Variants in SGO2 observed in about 807,000 individuals in gnomAD.
The protein encoded by SGO2 is shugoshin 2, also known as shugoshin-like 2.
Under a neutral mutation model 99.5 loss-of-function variants are expected in SGO2, and 68 were observed. The observed-to-expected ratio is 0.68, with a 90% confidence interval of 0.56 to 0.84. The LOEUF is 0.84. Ranked by LOEUF, SGO2 falls within the 40% of genes least tolerant of loss-of-function variation. The pLI, the probability that SGO2 is intolerant of heterozygous loss-of-function variation, is 0.00. For missense variants in SGO2, 1,350 were observed against 1,436.7 expected, an observed-to-expected ratio of 0.94 and a Z score of 0.97; for synonymous variants, 457 against 487.1, an observed-to-expected ratio of 0.94 and a Z score of 0.81.
At position 200,570,478 on chromosome 2, in the gene SGO2, A is replaced by ATGTGTGTGTG. The variant is rs71022323; in HGVS notation, c.704-549_704-540dup. Among the ~76,000 whole-genome samples the ATGTGTGTGTG allele has an allele frequency of 0.017, 2,419 of 142,796 alleles. 34 individuals carry two copies. Among genetic ancestry groups the ATGTGTGTGTG allele is most frequent in the South Asian group, 0.046 (203 of 4,394 alleles). 93.7% of individuals were successfully genotyped at this position (142,796 alleles called of 152,430 possible). On this transcript the variant is annotated intron_variant, in intron 6 of 8. Coordinates refer to ENST00000357799, the MANE Select transcript of SGO2 (RefSeq NM_152524.6). This position sits in a 1 kb window ranked among gnomAD's most constrained non-coding sequence, Gnocchi z 4.4. ...TTAGAATTGTTTTTCCTTTCTGAAA[A>ATGTGTGTGTG]TGTGTGTGTGTGTGTGTGTGTGTGT...
At position 200,572,858 on chromosome 2, in the gene SGO2, A is replaced by G; in HGVS notation, c.2512A>G (p.Lys838Glu). The change falls in exon 7 of 9, where the codon AAA becomes GAA. Residue 838 changes from lysine to glutamate, a missense_variant. Lys to Glu is a moderately conservative substitution (Grantham distance 56). Coordinates refer to ENST00000357799, the MANE Select transcript of SGO2 (RefSeq NM_152524.6). Reference protein sequence around the residue: ...NDNKGVHDLEKDNFFSLTPKD... With the variant: ...NDNKGVHDLEEDNFFSLTPKD... ...TAACAAAGGTGTACATGACCTAGAA[A>G]AAGATAACTTCTTCTCTCTAACCCC... 1 of 1,596,810 alleles carries G rather than the reference A, an allele frequency of 6.3e-7. No individual in the cohort carries two copies. The highest frequency in any genetic ancestry group is 8.5e-7 in the Non-Finnish European group (1 of 1,175,138).
intron 5 of SGO2, among the ~76,000 whole-genome samples, chr2:200,567,016 C>A (rs186175036): frequency 6.6e-6 from 1 of 152,338 alleles, no homozygotes; most frequent in East Asian, 1.9e-4. Context: ...CCTTGCACTT[C>A]CCAGGTGAGG....
intron 5 of SGO2, among the ~76,000 whole-genome samples, chr2:200,557,784 A>AT (rs1399422580): frequency 6.6e-6 from 1 of 150,452 alleles, no homozygotes; most frequent in Non-Finnish European, 1.5e-5. Flanking sequence ...CTCCTAATAT[A>AT]TAGCTTTTCT....
chr2:200,583,302 T>A, intron 8 of SGO2, 147 bp from the exon 9 acceptor site: 1 of 505,132 alleles, frequency 2.0e-6, no homozygotes, highest in Non-Finnish European at 3.4e-6. Context: ...TTAAGAAAAA[T>A]TAGAGTATTT....
rs543580035 is a variant in SGO2 at position 200,556,265 on chromosome 2, C to T, written c.474-13398C>T. 1.1e-4 allele frequency among the ~76,000 whole-genome samples: 17 copies of T among 152,282 alleles called. No homozygotes were observed. The South Asian group carries it at 2.9e-3, about 26-fold the overall frequency. The stretch of plus-strand genomic sequence containing the variant: ...ACAGGCATGAGCCACCGTGCTAAGT[C>T]GAATATCCGCTTTTAATTATCTACT... On this transcript the variant is annotated intron_variant, in intron 5 of 8. Transcript: ENST00000357799.
intron 5 of SGO2, among the ~76,000 whole-genome samples, chr2:200,549,649 A>AAAGG (rs1216971375): frequency 1.3e-5 from 2 of 152,180 alleles, no homozygotes; most frequent in African/African-American, 2.4e-5. Flanking sequence ...ACAAGAACAA[A>AAAGG]AACTGTATGA....
chr2:200,532,952 ATT>A lies in SGO2; in HGVS notation c.-2-14_-2-13del, dbSNP rs559390207. On this transcript the variant is annotated intron_variant, in intron 1 of 8. Transcript: ENST00000357799. ...TTTTCTTTTATTAATCAATACTATGATTTTTTTTTCTTTCACTTCAGTGATGG... is the reference window on the plus strand; with the variant it reads ...TTTTCTTTTATTAATCAATACTATGATTTTTTTCTTTCACTTCAGTGATGG... 4.5e-6 allele frequency: 7 copies of A among 1,550,540 alleles called. No homozygotes were observed. Among genetic ancestry groups the A allele is most frequent in the Non-Finnish European group, 6.1e-6 (7 of 1,138,352 alleles).
At chr2:200,533,976 C>T (rs954989419) in intron 2 of SGO2, among the ~76,000 whole-genome samples, 3 of 152,082 alleles carry the variant, frequency 2.0e-5, no homozygotes, top group Non-Finnish European at 4.4e-5. Flanking sequence ...TGTTATTACT[C>T]TTTATCTTCT....
At chr2:200,574,083 G>A in intron 7 of SGO2, 106 bp downstream of exon 7, 1 of 859,226 alleles carries the variant, frequency 1.2e-6, no homozygotes, top group South Asian at 2.2e-5. Flanking sequence ...TATTTTTATG[G>A]AATTTAAAAA....
At chr2:200,540,013 A>T (rs2031885708) in intron 4 of SGO2, among the ~76,000 whole-genome samples, 1 of 147,322 alleles carries the variant, frequency 6.8e-6, no homozygotes, top group Admixed American at 6.7e-5. Flanking sequence ...CATTTAATTT[A>T]TTTTATTTTA....
rs777689798 is a variant in SGO2 at position 200,571,751 on chromosome 2, G to A, written c.1405G>A (p.Glu469Lys). Residue 469 changes from glutamate (E) to lysine (K), a missense_variant, in exon 7 of 9, where the codon GAA becomes AAA. Coordinates refer to ENST00000357799, the MANE Select transcript of SGO2 (RefSeq NM_152524.6). Reference protein sequence around the residue: ...QMNEQLAQVNELKKMTLQTGF... With the variant: ...QMNEQLAQVNKLKKMTLQTGF... The stretch of plus-strand genomic sequence containing the variant: ...GAATGAACAGCTGGCTCAGGTGAAT[G>A]AACTAAAGAAAATGACCCTTCAAAC... 2 of 1,613,662 alleles carry A rather than the reference G, an allele frequency of 1.2e-6. No homozygotes were observed. The highest frequency in any genetic ancestry group is 2.2e-5 in the South Asian group (2 of 91,048).
chr2:200,534,936 A>G, intron 2 of SGO2, 60 bp from the exon 3 acceptor site: 2 of 1,135,824 alleles, frequency 1.8e-6, no homozygotes, highest in Non-Finnish European at 2.4e-6. Context: ...TTACTAAGGA[A>G]TATAAAAATT....
chr2:200,574,415 T>C (rs958733461), intron 7 of SGO2, among the ~76,000 whole-genome samples: 2 of 152,016 alleles, frequency 1.3e-5, no homozygotes, highest in East Asian at 3.8e-4. Context: ...CTTCTAGATA[T>C]TATAGAGGAC....
chr2:200,560,266 G>A (rs1003471805), intron 5 of SGO2, among the ~76,000 whole-genome samples: 2 of 152,036 alleles, frequency 1.3e-5, no homozygotes, highest in African/African-American at 4.8e-5. Flanking sequence ...TCTAGCAATG[G>A]TTCCTGCTTT....
At chr2:200,541,303 C>T (rs1319462347) in intron 4 of SGO2, among the ~76,000 whole-genome samples, 1 of 152,184 alleles carries the variant, frequency 6.6e-6, no homozygotes, top group Non-Finnish European at 1.5e-5. Flanking sequence ...GGCAATGGTC[C>T]TCTGCTTTGA....
chr2:200,563,954 T>A (rs547281830), intron 5 of SGO2, among the ~76,000 whole-genome samples: 1 of 152,202 alleles, frequency 6.6e-6, no homozygotes. Context: ...TCTCTTTTCT[T>A]CTTTATTAGT....
intron 5 of SGO2, among the ~76,000 whole-genome samples, chr2:200,559,650 T>G (rs1304007042): frequency 6.6e-6 from 1 of 152,202 alleles, no homozygotes; most frequent in African/African-American, 2.4e-5. Context: ...GGACTTGATT[T>G]CCTAGGTTCA....
intron 4 of SGO2, among the ~76,000 whole-genome samples, chr2:200,537,464 T>A (rs2031743975): frequency 1.3e-5 from 2 of 152,162 alleles, no homozygotes; most frequent in South Asian, 4.1e-4. Flanking sequence ...ATCCTGAAAG[T>A]CACCATTGAT....
chr2:200,542,756 A>C, intron 5 of SGO2, 92 bp downstream of exon 5: 1 of 1,086,276 alleles, frequency 9.2e-7, no homozygotes, highest in South Asian at 1.6e-5. Context: ...GTTCAGGATC[A>C]TCAACCTGTA....
Sources: gnomAD v4.1 joint callset for allele counts (sites outside exome capture counted in the v4.1 genomes callset) on GRCh38, gnomAD v4.1.1 for gene constraint, Gnocchi (gnomAD v3.1) non-coding constraint, MANE v1.5 for transcripts, NCBI Gene and HGNC (gene_info 2026-07-23, HGNC 2026-07-21) for gene names.